The following CAB39 variants were observed in gnomAD, a reference collection of about 807,000 sequenced individuals.
CAB39 encodes calcium binding protein 39.
Under a neutral mutation model 40.0 loss-of-function variants are expected in CAB39, and 8 were observed. The ratio of observed to expected loss-of-function variants is 0.20; its 90% CI spans 0.12 to 0.36. The LOEUF is 0.36. Among genes scored for constraint, CAB39 ranks in the 10% least tolerant of loss-of-function variants. The pLI, the probability that CAB39 is intolerant of heterozygous loss-of-function variation, is 1.00. For missense variants in CAB39, 270 were observed against 401.1 expected, an observed-to-expected ratio of 0.67 and a Z score of 2.79; for synonymous variants, 156 against 141.6, an observed-to-expected ratio of 1.10 and a Z score of -0.72.
chr2:230,748,918 A>T (rs1379102015), intron 1 of CAB39, among the ~76,000 whole-genome samples: 2 of 136,688 alleles, frequency 1.5e-5, no homozygotes, highest in Non-Finnish European at 3.1e-5. Context: ...TGAATCTCCT[A>T]TAAAGAACTT....
chr2:230,784,723 G>A (rs1248071017), intron 2 of CAB39, among the ~76,000 whole-genome samples: 1 of 152,054 alleles, frequency 6.6e-6, no homozygotes, highest in African/African-American at 2.4e-5. Context: ...TTTTGGTGTC[G>A]GGAAAAAGAG....
chr2:230,755,929 T>C (rs1477671592), intron 1 of CAB39, among the ~76,000 whole-genome samples: 1 of 152,184 alleles, frequency 6.6e-6, no homozygotes, highest in Non-Finnish European at 1.5e-5. Flanking sequence ...ACTCTAGGGA[T>C]TGTCAGTTTC....
rs751127209 is a variant in CAB39, at chr2:230,798,782, T to G, written c.452T>G (p.Ile151Ser). 1.2e-6 allele frequency: 2 copies of G among 1,609,174 alleles called. No individual in the cohort carries two copies. The highest frequency in any genetic ancestry group is 1.7e-6 in the Non-Finnish European group (2 of 1,177,460). Residue 151 changes from isoleucine to serine, a missense_variant, in exon 5 of 9, where the codon ATC (isoleucine) becomes AGC (serine). Physicochemically the swap from Ile to Ser is moderately radical, Grantham distance 142 (BLOSUM62 -2). Coordinates refer to ENST00000258418, the MANE Select transcript of CAB39 (RefSeq NM_016289.4). ...LNCGIMLREC[I>S]RHEPLAKIIL... Reference sequence around the variant, plus strand: ...TGTGGAATAATGTTAAGAGAATGCATCAGACATGAACCACTTGCAAAAATC... The same window carrying G: ...TGTGGAATAATGTTAAGAGAATGCAGCAGACATGAACCACTTGCAAAAATC...
intron 5 of CAB39, among the ~76,000 whole-genome samples, chr2:230,808,066 CTTTTCT>C (rs1389520305): frequency 6.6e-6 from 1 of 150,872 alleles, no homozygotes; most frequent in Non-Finnish European, 1.5e-5. Flanking sequence ...CTTTTCTTTT[CTTTTCT>C]TTTCTTTTTT....
chr2:230,771,776 G>T (rs1695487054), intron 2 of CAB39, among the ~76,000 whole-genome samples: 1 of 152,162 alleles, frequency 6.6e-6, no homozygotes, highest in South Asian at 2.1e-4. Flanking sequence ...ACAGATTGGG[G>T]TGCAGAAATA....
chr2:230,773,310 A>ATGTG (rs772464376), intron 2 of CAB39, among the ~76,000 whole-genome samples: 39 of 84,444 alleles, frequency 4.6e-4, no homozygotes, highest in African/African-American at 1.2e-3. Context: ...ATATATATAT[A>ATGTG]TATATGTGTG....
At chr2:230,764,518 CAT>C (rs1458196198) in intron 2 of CAB39, among the ~76,000 whole-genome samples, 2 of 152,188 alleles carry the variant, frequency 1.3e-5, no homozygotes, top group Non-Finnish European at 1.5e-5. Flanking sequence ...GGATCACTGA[CAT>C]ATACAGATCT....
intron 1 of CAB39, among the ~76,000 whole-genome samples, chr2:230,724,751 CTTTTTTT>C (rs576437702): frequency 8.9e-6 from 1 of 111,786 alleles, no homozygotes; most frequent in African/African-American, 3.5e-5. Context: ...CTCGTTTAAT[CTTTTTTT>C]TTTTTTTTTT....
chr2:230,731,444 T>A (rs1018729564), intron 1 of CAB39, among the ~76,000 whole-genome samples: 17 of 152,316 alleles, frequency 1.1e-4, no homozygotes, highest in African/African-American at 4.1e-4. Flanking sequence ...TCTAGCTGTT[T>A]TATTGATTGT....
chr2:230,787,332 A>G (rs1695810415), intron 2 of CAB39, among the ~76,000 whole-genome samples: 1 of 152,178 alleles, frequency 6.6e-6, no homozygotes, highest in African/African-American at 2.4e-5. Flanking sequence ...CCTTTCCAGC[A>G]TTTTAGTCAA....
intron 1 of CAB39, among the ~76,000 whole-genome samples, chr2:230,724,721 A>C (rs963720769): frequency 2.0e-4 from 30 of 151,106 alleles, no homozygotes; most frequent in Middle Eastern, 3.4e-3. Flanking sequence ...AAAAAAAAAA[A>C]ACCTCTATGA....
intron 4 of CAB39, among the ~76,000 whole-genome samples, chr2:230,796,113 C>A (rs1345114024): frequency 6.6e-6 from 1 of 152,150 alleles, no homozygotes; most frequent in Non-Finnish European, 1.5e-5. Flanking sequence ...GACCATCTTG[C>A]TCATTTTGTA....
chr2:230,769,657 A>G (rs1310575157), intron 2 of CAB39, among the ~76,000 whole-genome samples: 1 of 152,182 alleles, frequency 6.6e-6, no homozygotes, highest in Non-Finnish European at 1.5e-5. Flanking sequence ...GTACTTCTAG[A>G]TAACTCATGG....
At chr2:230,752,842 G>A (rs1695114238) in intron 1 of CAB39, among the ~76,000 whole-genome samples, 2 of 152,216 alleles carry the variant, frequency 1.3e-5, no homozygotes, top group Admixed American at 6.5e-5. Context: ...ACCAAGTTTA[G>A]TGATGGAGTG....
chr2:230,769,446 G>GAACACTCAAC (rs1559604032), intron 2 of CAB39, among the ~76,000 whole-genome samples: 2 of 152,142 alleles, frequency 1.3e-5, no homozygotes, highest in Non-Finnish European at 2.9e-5. Flanking sequence ...AACAACTGTG[G>GAACACTCAAC]AACACACCTA....
At chr2:230,730,077 A>G (rs1264267551) in intron 1 of CAB39, among the ~76,000 whole-genome samples, 1 of 152,196 alleles carries the variant, frequency 6.6e-6, no homozygotes, top group Non-Finnish European at 1.5e-5. Context: ...GCAACATCAC[A>G]CATTAGTGGA....
chr2:230,757,241 A>G (rs1333148321), intron 1 of CAB39, among the ~76,000 whole-genome samples: 1 of 152,146 alleles, frequency 6.6e-6, no homozygotes, highest in African/African-American at 2.4e-5. Context: ...GACCACAGGC[A>G]TGCATCACCA....
At chr2:230,733,308 C>T (rs1053286430) in intron 1 of CAB39, among the ~76,000 whole-genome samples, 4 of 151,970 alleles carry the variant, frequency 2.6e-5, no homozygotes, top group East Asian at 1.9e-4. Flanking sequence ...TTGACCCCCT[C>T]CTCTCATTTT....
chr2:230,807,374 C>T (rs193274650), intron 5 of CAB39, among the ~76,000 whole-genome samples: 138 of 152,204 alleles, frequency 9.1e-4, no homozygotes, highest in Middle Eastern at 3.4e-3. Flanking sequence ...TCTGAGCTGG[C>T]GCTTAACAGT....
Sources: gnomAD v4.1 joint callset for allele counts (sites outside exome capture counted in the v4.1 genomes callset) on GRCh38, gnomAD v4.1.1 for gene constraint, MANE v1.5 for transcripts, NCBI Gene and HGNC (gene_info 2026-07-23, HGNC 2026-07-21) for gene names.